PEAK1: variants seen among roughly 807,000 people sequenced by gnomAD.
The protein encoded by PEAK1 is pseudopodium enriched atypical kinase 1.
PEAK1 carries 54 observed loss-of-function variants against 124.7 expected under a neutral mutation model. The ratio of observed to expected loss-of-function variants is 0.43; its 90% CI spans 0.35 to 0.54. PEAK1 has a LOEUF of 0.54. Among genes scored for constraint, PEAK1 ranks in the 20% least tolerant of loss-of-function variants. The probability of loss-of-function intolerance (pLI) is 0.01; values close to 1 mark genes in which losing one functional copy is unlikely to be tolerated. For missense variants in PEAK1, 2,046 were observed against 2,134.5 expected (o/e 0.96, Z 0.82); for synonymous variants, 719 against 760.0 (o/e 0.95, Z 0.89).
At chr15:77,194,631 C>T (rs1398744940) in intron 6 of PEAK1, among the ~76,000 whole-genome samples, 2 of 152,208 alleles carry the variant, frequency 1.3e-5, no homozygotes, top group Non-Finnish European at 2.9e-5. Context: ...CCCCGACCCC[C>T]ACTAGTCTTA....
At chr15:77,152,893 G>A (rs1307179574) in intron 8 of PEAK1, among the ~76,000 whole-genome samples, 3 of 152,060 alleles carry the variant, frequency 2.0e-5, no homozygotes, top group Admixed American at 6.5e-5. Flanking sequence ...CGGTTTGCCA[G>A]TATTTTATTG....
Position 77,133,724 on chromosome 15 carries a change from G to T in PEAK1, c.3358C>A (p.Pro1120Thr), listed in dbSNP as rs753459968. ...LGQSRAAMIPPKQPRQPKGAV... is the reference protein window; with the variant it reads ...LGQSRAAMIPTKQPRQPKGAV... Reference sequence around the variant, plus strand: ...CCCTTGGGCTGTCGTGGCTGCTTGGGAGGTATCATGGCTGCTCTAGATTGC... The same window carrying T: ...CCCTTGGGCTGTCGTGGCTGCTTGGTAGGTATCATGGCTGCTCTAGATTGC... Residue 1120 changes from proline to threonine, a missense_variant, in exon 9 of 10, where the codon CCC becomes ACC. Physicochemically the swap from Pro to Thr is conservative, Grantham distance 38. Transcript: ENST00000682557. The surrounding 1 kb of genome is among the most constrained non-coding windows in gnomAD (Gnocchi z 4.2). 6.2e-7 allele frequency: 1 copy of T among 1,609,736 alleles called. No individual in the cohort carries two copies. The highest frequency in any genetic ancestry group is 8.5e-7 in the Non-Finnish European group (1 of 1,178,168).
rs1054982514 is a variant in PEAK1, at chr15:77,228,169, G to A, written c.-115+24198C>T. 3.9e-5 allele frequency among the ~76,000 whole-genome samples: 6 copies of A among 151,952 alleles called. No individual in the cohort carries two copies. In the South Asian group the frequency reaches 1.2e-3, roughly 32 times the overall value. On this transcript the variant is annotated intron_variant, in intron 6 of 9. Transcript: ENST00000682557. ...TTAGGGTACATGTGCACAACGTGCA[G>A]GTTTGTTACATATGTTTACATGTGC...
At chr15:77,157,955 C>T (rs1042415854) in intron 8 of PEAK1, 1 of 152,654 alleles carries the variant, frequency 6.6e-6, no homozygotes, top group Non-Finnish European at 1.5e-5. Flanking sequence ...ACATAAACAG[C>T]AAAAAGTCTA....
chr15:77,175,895 C>T (rs1164341751), intron 7 of PEAK1, among the ~76,000 whole-genome samples: 1 of 152,108 alleles, frequency 6.6e-6, no homozygotes, highest in East Asian at 1.9e-4. Flanking sequence ...AAATGTGGCA[C>T]ATATACACCA....
chr15:77,208,770 C>T (rs920012189), intron 6 of PEAK1, among the ~76,000 whole-genome samples: 10 of 152,046 alleles, frequency 6.6e-5, no homozygotes, highest in Admixed American at 6.6e-4. Flanking sequence ...GTGAAAATAC[C>T]TGGTTTTGGT....
rs184721085 is a variant in PEAK1 at position 77,396,950 on chromosome 15, T to C, written c.-666+23056A>G. On this transcript the variant is annotated intron_variant, in intron 1 of 9. Transcript: ENST00000682557. ...AACATCAAACTTAATCTCACTTCTG[T>C]AACAAATGGACCTAATAGATCTTTA... Among the ~76,000 whole-genome samples the C allele has an allele frequency of 7.2e-5, 11 of 152,324 alleles. No homozygotes were observed. In the East Asian group the frequency reaches 2.1e-3, roughly 29 times the overall value.
intron 1 of PEAK1, among the ~76,000 whole-genome samples, chr15:77,405,737 A>G (rs2071767023): frequency 6.6e-6 from 1 of 152,166 alleles, no homozygotes; most frequent in Non-Finnish European, 1.5e-5. Context: ...TCCTAGGGAC[A>G]AGATTTTTTG....
At position 77,273,877 on chromosome 15, in the gene PEAK1, G is replaced by A. The variant is rs114307219; in HGVS notation, c.-275+10006C>T. On this transcript the variant is annotated intron_variant, in intron 5 of 9. Transcript: ENST00000682557. ...GGCATCACATTACCCAACTTCAAAC[G>A]ATACTATAAGGCCATAGTCACCAAA... 3.4e-3 allele frequency among the ~76,000 whole-genome samples: 513 copies of A among 152,016 alleles called. 1 individual carries two copies. The highest frequency in any genetic ancestry group is 0.012 in the African/African-American group (496 of 41,504).
chr15:77,408,002 C>T (rs1595871246), intron 1 of PEAK1, among the ~76,000 whole-genome samples: 1 of 150,862 alleles, frequency 6.6e-6, no homozygotes, highest in Non-Finnish European at 1.5e-5. Flanking sequence ...CACATACACA[C>T]ACGTACACAT....
chr15:77,183,698 T>G (rs550851609), intron 6 of PEAK1, among the ~76,000 whole-genome samples: 1 of 151,542 alleles, frequency 6.6e-6, no homozygotes, highest in East Asian at 1.9e-4. Flanking sequence ...AGAAATTATG[T>G]GAAACATTCA....
Position 77,252,371 on chromosome 15 carries a change from T to C in PEAK1, c.-119A>G. 1 of 985,090 alleles carries C rather than the reference T, an allele frequency of 1.0e-6. No homozygotes were observed. Among genetic ancestry groups the C allele is most frequent in the Non-Finnish European group, 1.2e-6 (1 of 829,618 alleles). 61.0% of individuals were successfully genotyped at this position (985,090 alleles called of 1,614,324 possible). On this transcript the variant is annotated 5_prime_UTR_variant, in exon 6 of 10. An upstream open reading frame in the 5' UTR loses its in-frame stop. Transcript: ENST00000682557. Reference sequence around the variant, plus strand: ...TGTTAGGAGAATTCTGCTTACTATTTAAATCTGAAGCACTTCATTCATTCT... The same window carrying C: ...TGTTAGGAGAATTCTGCTTACTATTCAAATCTGAAGCACTTCATTCATTCT...
intron 7 of PEAK1, among the ~76,000 whole-genome samples, chr15:77,168,434 C>T (rs2056278048): frequency 6.6e-6 from 1 of 152,172 alleles, no homozygotes; most frequent in Admixed American, 6.5e-5. Flanking sequence ...GTATTTTAGG[C>T]TTTGTGGGCC....
At chr15:77,359,868 C>T (rs560171052) in intron 2 of PEAK1, among the ~76,000 whole-genome samples, 3 of 152,136 alleles carry the variant, frequency 2.0e-5, no homozygotes, top group Non-Finnish European at 4.4e-5. Flanking sequence ...AAGATTCCTG[C>T]CTCAGATTCA....
chr15:77,319,884 T>C (rs1483850728), intron 2 of PEAK1, among the ~76,000 whole-genome samples: 1 of 152,224 alleles, frequency 6.6e-6, no homozygotes, highest in Non-Finnish European at 1.5e-5. Flanking sequence ...GTTTACTTTC[T>C]TCATTTGCAA....
chr15:77,381,428 A>T, intron 1 of PEAK1: 1 of 902,776 alleles, frequency 1.1e-6, no homozygotes, highest in African/African-American at 2.0e-5. Context: ...CCTGTCTCTT[A>T]AAAAAAATAA....
At chr15:77,417,237 T>G in intron 1 of PEAK1, 5 of 580,012 alleles carry the variant, frequency 8.6e-6, no homozygotes, top group Non-Finnish European at 1.1e-5. Flanking sequence ...AAAAGGAATC[T>G]CATATTCTAT....
At chr15:77,226,888 G>C (rs1283418117) in intron 6 of PEAK1, among the ~76,000 whole-genome samples, 1 of 152,104 alleles carries the variant, frequency 6.6e-6, no homozygotes, top group Non-Finnish European at 1.5e-5. Flanking sequence ...TTCGTGATTT[G>C]CTCATAGACC....
intron 1 of PEAK1, among the ~76,000 whole-genome samples, chr15:77,413,688 CTG>C (rs1365194112): frequency 6.6e-6 from 1 of 152,194 alleles, no homozygotes; most frequent in African/African-American, 2.4e-5. Context: ...ACTAGAAAAA[CTG>C]GTAAAATATT....
Sources: allele counts gnomAD v4.1 joint callset (sites outside exome capture counted in the v4.1 genomes callset), GRCh38; gene constraint gnomAD v4.1.1; non-coding constraint Gnocchi (gnomAD v3.1); transcripts MANE v1.5; gene names NCBI Gene and HGNC (gene_info 2026-07-23, HGNC 2026-07-21).